The following ANO1 variants were observed in gnomAD, a reference collection of about 807,000 sequenced individuals.
ANO1 encodes anoctamin-1.
ANO1 carries 59 observed loss-of-function variants against 124.0 expected under a neutral mutation model. That is an observed-to-expected ratio of 0.48 (90% confidence interval 0.39 to 0.59). The LOEUF (loss-of-function observed/expected upper bound fraction) is 0.59, where lower values mean the gene tolerates loss of function less well. Among genes scored for constraint, ANO1 ranks in the 20% least tolerant of loss-of-function variants. The pLI, the probability that ANO1 is intolerant of heterozygous loss-of-function variation, is 0.00. For synonymous variants in ANO1, 529 were observed against 532.0 expected (o/e 0.99, Z 0.08); for missense variants, 1,059 against 1,328.0 (o/e 0.80, Z 3.15).
chr11:70,098,013 C>T (rs2045080833), intron 2 of ANO1, among the ~76,000 whole-genome samples: 1 of 152,200 alleles, frequency 6.6e-6, no homozygotes, highest in Non-Finnish European at 1.5e-5. Context: ...TGGCACTGGG[C>T]GTCACATGCC....
intron 16 of ANO1, among the ~76,000 whole-genome samples, chr11:70,158,997 C>G (rs1047621831): frequency 2.0e-5 from 3 of 152,104 alleles, no homozygotes; most frequent in East Asian, 1.9e-4. Flanking sequence ...CCAGGGGAGG[C>G]TAGCCTGAGG....
chr11:70,029,240 C>T (rs782323088), intron 1 of ANO1, among the ~76,000 whole-genome samples: 5 of 152,182 alleles, frequency 3.3e-5, no homozygotes, highest in African/African-American at 9.6e-5. Context: ...TCCTGTGGTG[C>T]TTTCCCTCCT....
chr11:70,095,411 A>AAAGG (rs2044892906), intron 2 of ANO1, among the ~76,000 whole-genome samples: 2 of 28,388 alleles, frequency 7.0e-5, no homozygotes, highest in South Asian at 3.7e-3. Flanking sequence ...AGAAAGAAAG[A>AAAGG]AAGAAAGAAA....
chr11:70,040,602 G>A (rs1160196867), intron 1 of ANO1, among the ~76,000 whole-genome samples: 2 of 152,164 alleles, frequency 1.3e-5, no homozygotes, highest in African/African-American at 2.4e-5. Flanking sequence ...TTGAGCCTGG[G>A]AGGCGGAGTT....
intron 22 of ANO1, among the ~76,000 whole-genome samples, chr11:70,173,939 A>ATT (rs367804030): frequency 4.9e-5 from 7 of 143,580 alleles, no homozygotes; most frequent in African/African-American, 1.3e-4. Context: ...GGCAGTTTTA[A>ATT]TTTTTTTTTT....
At chr11:69,982,170 A>T (rs1855965283), upstream of ANO1, among the ~76,000 whole-genome samples, 1 of 152,234 alleles carries the variant, frequency 6.6e-6, no homozygotes, top group African/African-American at 2.4e-5. Context: ...GATCAATTTT[A>T]TCTTATGTGA....
intron 2 of ANO1, among the ~76,000 whole-genome samples, chr11:70,090,071 G>C (rs2135247615): frequency 6.6e-6 from 1 of 152,310 alleles, no homozygotes; most frequent in Non-Finnish European, 1.5e-5. Flanking sequence ...GCCCAGGCTG[G>C]AGTGCAGTGG....
chr11:70,065,937 C>T (rs578057183), intron 1 of ANO1, among the ~76,000 whole-genome samples: 30 of 152,360 alleles, frequency 2.0e-4, no homozygotes, highest in African/African-American at 6.7e-4. Flanking sequence ...CCGCCGTCCC[C>T]TCTTCCTGCT....
At chr11:70,152,516 G>C in intron 13 of ANO1, 55 bp downstream of exon 13, 1 of 1,582,998 alleles carries the variant, frequency 6.3e-7, no homozygotes, top group Non-Finnish European at 8.7e-7. Context: ...CCCTGGGAGA[G>C]GGACCTTCTC....
chr11:70,116,576 G>A, intron 8 of ANO1, 77 bp downstream of exon 8: 2 of 1,459,212 alleles, frequency 1.4e-6, no homozygotes, highest in Non-Finnish European at 9.4e-7. Flanking sequence ...GCCTGCAGCT[G>A]GACCGAGGAC....
At chr11:69,974,807 T>C in the ANO1 span, among the ~76,000 whole-genome samples, 2 of 151,740 alleles carry the variant, frequency 1.3e-5, no homozygotes, top group Non-Finnish European at 2.9e-5. Flanking sequence ...CTCTGCTCTC[T>C]GTGGATCAGG....
At chr11:70,130,759 C>G (rs1266019725) in intron 10 of ANO1, among the ~76,000 whole-genome samples, 9 of 152,184 alleles carry the variant, frequency 5.9e-5, no homozygotes, top group Admixed American at 2.0e-4. Flanking sequence ...CGGGACCCAT[C>G]ATCCCTGGCA....
At chr11:70,020,996 G>T (rs975282502) in intron 1 of ANO1, 1 of 152,174 alleles carries the variant, frequency 6.6e-6, no homozygotes, top group Non-Finnish European at 1.5e-5. Flanking sequence ...GGCTGGGTGC[G>T]TCCTTTACAG....
upstream of ANO1, chr11:70,075,123 T>C (rs1198085048): frequency 2.0e-5 from 3 of 152,256 alleles, no homozygotes; most frequent in African/African-American, 7.2e-5. Context: ...GGGCACCTCG[T>C]TCTTCCTCCC....
rs779707437 is a variant in ANO1, at chr11:70,179,986, G to T, written c.2351-18G>T. On this transcript the variant is annotated intron_variant, in intron 22 of 25. Coordinates refer to ENST00000355303, the MANE Select transcript of ANO1 (RefSeq NM_018043.7). ...AGAGTGTAGGGCTCTTTAAAACTGT[G>T]ACTTCTTCTTCCCCCAGGAATCTGG... 6 of 1,610,418 alleles carry T rather than the reference G, an allele frequency of 3.7e-6. No individual in the cohort carries two copies. In the African/African-American group the frequency reaches 5.3e-5, roughly 14 times the overall value.
At chr11:70,155,491 T>A (rs1029494106) in intron 14 of ANO1, among the ~76,000 whole-genome samples, 8 of 152,204 alleles carry the variant, frequency 5.3e-5, no homozygotes, top group African/African-American at 1.9e-4. Context: ...TGGCACTGAA[T>A]TCATTTATGG....
At chr11:70,174,787 C>G (rs890710844) in intron 22 of ANO1, among the ~76,000 whole-genome samples, 1 of 152,116 alleles carries the variant, frequency 6.6e-6, no homozygotes, top group African/African-American at 2.4e-5. Flanking sequence ...TACCGAAGAC[C>G]CCAAAAGGGG....
intron 11 of ANO1, among the ~76,000 whole-genome samples, chr11:70,142,642 A>G (rs893361833): frequency 6.6e-6 from 1 of 152,178 alleles, no homozygotes; most frequent in African/African-American, 2.4e-5. Flanking sequence ...GGTGGTTTCT[A>G]TTCCCAGGGG....
chr11:70,035,152 T>A (rs1328219706), intron 1 of ANO1, among the ~76,000 whole-genome samples: 2 of 152,136 alleles, frequency 1.3e-5, no homozygotes, highest in African/African-American at 4.8e-5. Flanking sequence ...GGAAACAAGG[T>A]GCTGCTTTCC....
Sources: gnomAD v4.1 joint callset for allele counts (sites outside exome capture counted in the v4.1 genomes callset) on GRCh38, gnomAD v4.1.1 for gene constraint, MANE v1.5 for transcripts, NCBI Gene and HGNC (gene_info 2026-07-23, HGNC 2026-07-21) for gene names.